Variants in SYN2 observed in about 807,000 individuals in gnomAD.
SYN2 encodes synapsin-2.
In SYN2, 19 loss-of-function variants were observed where a neutral mutation model predicts 50.9. The observed-to-expected ratio is 0.37, with a 90% confidence interval of 0.26 to 0.55. The LOEUF is 0.55. Among genes scored for constraint, SYN2 ranks in the 20% least tolerant of loss-of-function variants. The pLI, the probability that SYN2 is intolerant of heterozygous loss-of-function variation, is 0.81. For missense variants in SYN2, 587 were observed against 576.4 expected, an observed-to-expected ratio of 1.02 and a Z score of -0.19; for synonymous variants, 255 against 224.9, an observed-to-expected ratio of 1.13 and a Z score of -1.20.
In SYN2 at chr3:12,018,167, C is replaced by T. The variant is rs571604223; in HGVS notation, c.377+13239C>T. The stretch of plus-strand genomic sequence containing the variant: ...TTGTGGGTTCTATAGGTTCTGTGGC[C>T]TGGAAAAGAGAATGTTCTACAGAAG... On this transcript the variant is annotated intron_variant, in intron 1 of 12. Coordinates refer to ENST00000621198, the MANE Select transcript of SYN2 (RefSeq NM_133625.6). Among the ~76,000 whole-genome samples the T allele has an allele frequency of 2.0e-5, 3 of 152,144 alleles. No individual in the cohort carries two copies. In the East Asian group the frequency reaches 5.8e-4, roughly 29 times the overall value.
intron 1 of SYN2, among the ~76,000 whole-genome samples, chr3:12,079,053 TC>T (rs1695531842): frequency 6.6e-6 from 1 of 152,166 alleles, no homozygotes; most frequent in Admixed American, 6.5e-5. Flanking sequence ...GGTATTTTAT[TC>T]TTTTTAGCAA....
intron 1 of SYN2, among the ~76,000 whole-genome samples, chr3:12,053,634 A>G (rs1694920945): frequency 1.4e-5 from 2 of 138,056 alleles, no homozygotes. Context: ...TAGGTGGCAT[A>G]CTTACTATGA....
At chr3:12,086,092 A>T (rs898240590) in intron 1 of SYN2, among the ~76,000 whole-genome samples, 2 of 152,216 alleles carry the variant, frequency 1.3e-5, no homozygotes, top group African/African-American at 4.8e-5. Context: ...ACAAAGTAGC[A>T]CAAGAGACTT....
chr3:12,010,704 T>C (rs776339327), intron 1 of SYN2, among the ~76,000 whole-genome samples: 22 of 152,262 alleles, frequency 1.4e-4, no homozygotes, highest in Non-Finnish European at 3.1e-4. Flanking sequence ...TTTTGTGCCA[T>C]TTTCTTTTAA....
intron 1 of SYN2, among the ~76,000 whole-genome samples, chr3:12,127,410 G>GGTCAACTTTCTC (rs1696694054): frequency 6.6e-6 from 1 of 152,068 alleles, no homozygotes; most frequent in South Asian, 2.1e-4. Flanking sequence ...TCAACTTTCT[G>GGTCAACTTTCTC]TCTTTAAGCC....
chr3:12,057,667 C>G (rs994852678), intron 1 of SYN2, among the ~76,000 whole-genome samples: 2 of 152,140 alleles, frequency 1.3e-5, no homozygotes, highest in African/African-American at 4.8e-5. Context: ...TTGATTCAGT[C>G]TGATAACTTT....
At chr3:12,048,281 C>T (rs539689336) in intron 1 of SYN2, among the ~76,000 whole-genome samples, 15 of 152,318 alleles carry the variant, frequency 9.8e-5, no homozygotes, top group African/African-American at 3.6e-4. Flanking sequence ...GATCCTCCCA[C>T]CTCAGCCTCC....
rs921424860 is a variant in SYN2, at chr3:12,055,952, A to C, written c.377+51024A>C. ...AAGGAATCTAACAGGAGTCTGATCA[A>C]GCCTCTGCGTCCAGCTGCCAATTTG... is the stretch of plus-strand genomic sequence containing the variant. On this transcript the variant is annotated intron_variant, in intron 1 of 12. Coordinates refer to ENST00000621198, the MANE Select transcript of SYN2 (RefSeq NM_133625.6). Among the ~76,000 whole-genome samples the C allele has an allele frequency of 3.9e-5, 6 of 152,230 alleles. No individual in the cohort carries two copies. The East Asian group carries it at 1.2e-3, about 29-fold the overall frequency.
At chr3:12,108,064 G>C (rs1696235174) in intron 1 of SYN2, among the ~76,000 whole-genome samples, 1 of 152,238 alleles carries the variant, frequency 6.6e-6, no homozygotes, top group African/African-American at 2.4e-5. Context: ...TAAAACATTA[G>C]CTGGGCATGG....
intron 1 of SYN2, among the ~76,000 whole-genome samples, chr3:12,093,437 G>A (rs160219): frequency 6.6e-6 from 1 of 152,126 alleles, no homozygotes; most frequent in African/African-American, 2.4e-5. Flanking sequence ...TCCCGGGCAT[G>A]TGAGTTATTT....
At chr3:12,075,305 CA>C in intron 1 of SYN2, among the ~76,000 whole-genome samples, 1 of 152,226 alleles carries the variant, frequency 6.6e-6, no homozygotes, top group Non-Finnish European at 1.5e-5. Flanking sequence ...GTTTTCATAA[CA>C]TAGAGCTTCA....
At chr3:12,088,814 A>G (rs1695766588) in intron 1 of SYN2, among the ~76,000 whole-genome samples, 1 of 152,176 alleles carries the variant, frequency 6.6e-6, no homozygotes, top group African/African-American at 2.4e-5. Flanking sequence ...TCTCACTTTT[A>G]TGTGGAATCT....
At chr3:12,139,544 C>A (rs59970617) in intron 1 of SYN2, among the ~76,000 whole-genome samples, 1 of 152,146 alleles carries the variant, frequency 6.6e-6, no homozygotes. Flanking sequence ...AATTCTGAAT[C>A]TTGGTTTCCT....
intron 1 of SYN2, among the ~76,000 whole-genome samples, chr3:12,048,882 G>A (rs944269457): frequency 9.2e-5 from 14 of 152,236 alleles, no homozygotes; most frequent in Admixed American, 2.6e-4. Context: ...TGCAGCAGTC[G>A]GTAGTGACTA....
chr3:12,113,078 G>A (rs561329094), intron 1 of SYN2, among the ~76,000 whole-genome samples: 9 of 152,134 alleles, frequency 5.9e-5, no homozygotes, highest in Non-Finnish European at 8.8e-5. Context: ...TCTAGGCCCC[G>A]TGGTGGTCTT....
intron 1 of SYN2, among the ~76,000 whole-genome samples, chr3:12,052,015 A>C (rs1019242422): frequency 1.3e-5 from 2 of 152,130 alleles, no homozygotes; most frequent in African/African-American, 4.8e-5. Flanking sequence ...TTTTAATGAT[A>C]ATAATTATTC....
chr3:12,098,597 G>A (rs180962540), intron 1 of SYN2, among the ~76,000 whole-genome samples: 10 of 151,772 alleles, frequency 6.6e-5, no homozygotes, highest in Middle Eastern at 3.4e-3. Flanking sequence ...GTATTTAAAT[G>A]GTATAGTAGA....
At chr3:12,052,548 T>C (rs1441041708) in intron 1 of SYN2, among the ~76,000 whole-genome samples, 2 of 152,078 alleles carry the variant, frequency 1.3e-5, no homozygotes, top group Admixed American at 6.5e-5. Context: ...AAATACAAAT[T>C]TATGGAGAAG....
chr3:12,040,637 T>C (rs761197890), intron 1 of SYN2, among the ~76,000 whole-genome samples: 4 of 152,128 alleles, frequency 2.6e-5, no homozygotes, highest in Non-Finnish European at 4.4e-5. Flanking sequence ...TTTCACCATG[T>C]TCTGTTTCTT....
Sources: allele counts gnomAD v4.1 joint callset (sites outside exome capture counted in the v4.1 genomes callset), GRCh38; gene constraint gnomAD v4.1.1; transcripts MANE v1.5; gene names NCBI Gene and HGNC (gene_info 2026-07-23, HGNC 2026-07-21).